The following ERC2 variants were observed in gnomAD, a reference collection of about 807,000 sequenced individuals.
ERC2 encodes ELKS/RAB6-interacting/CAST family member 2.
Under a neutral mutation model 114.8 loss-of-function variants are expected in ERC2, and 42 were observed. The ratio of observed to expected loss-of-function variants is 0.37; its 90% confidence interval spans 0.29 to 0.47. ERC2 has a LOEUF of 0.47. Among genes scored for constraint, ERC2 ranks in the 20% least tolerant of loss-of-function variants. ERC2 has a pLI of 0.99. For synonymous variants in ERC2, 454 were observed against 425.5 expected (o/e 1.07, Z -0.82); for missense variants, 939 against 1,150.7 (o/e 0.82, Z 2.66).
At chr3:56,228,864 A>C (rs1575959891) in intron 3 of ERC2, among the ~76,000 whole-genome samples, 1 of 152,154 alleles carries the variant, frequency 6.6e-6, no homozygotes, top group Non-Finnish European at 1.5e-5. Flanking sequence ...TTCCAGCTGC[A>C]CTTAGATGCC....
At chr3:56,252,383 T>C (rs1196028847) in intron 3 of ERC2, among the ~76,000 whole-genome samples, 2 of 152,142 alleles carry the variant, frequency 1.3e-5, no homozygotes, top group African/African-American at 2.4e-5. Flanking sequence ...AGGTTAAACC[T>C]GAAGGACAAC....
At chr3:56,305,925 C>T (rs191123467) in intron 2 of ERC2, among the ~76,000 whole-genome samples, 1 of 152,316 alleles carries the variant, frequency 6.6e-6, no homozygotes, top group East Asian at 1.9e-4. Flanking sequence ...TCTCAGCTCA[C>T]TGCATCCTCC....
intron 3 of ERC2, among the ~76,000 whole-genome samples, chr3:56,197,618 C>T (rs868634741): frequency 5.3e-5 from 8 of 152,304 alleles, no homozygotes; most frequent in Middle Eastern, 6.8e-3. Flanking sequence ...TGAAACAACT[C>T]CTCCACTTAC....
chr3:55,835,388 A>C (rs1360036304), intron 14 of ERC2, among the ~76,000 whole-genome samples: 1 of 152,200 alleles, frequency 6.6e-6, no homozygotes, highest in Non-Finnish European at 1.5e-5. Flanking sequence ...GCAACACATC[A>C]AAAAGCTTAT....
At chr3:56,054,624 C>T (rs931411390) in intron 7 of ERC2, among the ~76,000 whole-genome samples, 3 of 152,148 alleles carry the variant, frequency 2.0e-5, no homozygotes, top group African/African-American at 7.2e-5. Context: ...GGAAAAGATA[C>T]TGTGTTCTTA....
intron 4 of ERC2, among the ~76,000 whole-genome samples, chr3:56,158,511 A>T (rs2081864385): frequency 6.6e-6 from 1 of 152,142 alleles, no homozygotes; most frequent in Non-Finnish European, 1.5e-5. Context: ...AAGGGAAGAG[A>T]TGGAGAGGCA....
chr3:56,379,917 T>C (rs1314824563), intron 2 of ERC2, among the ~76,000 whole-genome samples: 1 of 152,192 alleles, frequency 6.6e-6, no homozygotes, highest in Admixed American at 6.5e-5. Flanking sequence ...GAGCCTTTGC[T>C]CTGGGTCACG....
chr3:55,715,953 C>A (rs1207524160), intron 15 of ERC2, among the ~76,000 whole-genome samples: 1 of 152,086 alleles, frequency 6.6e-6, no homozygotes, highest in Non-Finnish European at 1.5e-5. Flanking sequence ...ACCTACTAAC[C>A]ACAGCTAAGT....
chr3:56,154,576 G>A (rs1433044650), intron 4 of ERC2, among the ~76,000 whole-genome samples: 1 of 152,096 alleles, frequency 6.6e-6, no homozygotes. Flanking sequence ...GCTTGACACT[G>A]TGTGATCTTT....
intron 17 of ERC2, among the ~76,000 whole-genome samples, chr3:55,621,021 G>C (rs1192096713): frequency 6.6e-6 from 1 of 152,030 alleles, no homozygotes; most frequent in African/African-American, 2.4e-5. Flanking sequence ...TTATCTTATA[G>C]GGATATGAAA....
chr3:56,020,331 AT>A (rs1553776156), intron 7 of ERC2, among the ~76,000 whole-genome samples: 4 of 149,394 alleles, frequency 2.7e-5, no homozygotes, highest in Middle Eastern at 3.5e-3. Context: ...TCCTTCATTC[AT>A]TTTTTTTTCT....
chr3:55,529,982 T>C (rs1407553701), intron 17 of ERC2, among the ~76,000 whole-genome samples: 1 of 152,176 alleles, frequency 6.6e-6, no homozygotes, highest in African/African-American at 2.4e-5. Context: ...TTGGTCTAGA[T>C]GGAATAAAGG....
intron 13 of ERC2, among the ~76,000 whole-genome samples, chr3:55,898,372 C>G (rs930341883): frequency 1.2e-4 from 18 of 152,218 alleles, no homozygotes; most frequent in African/African-American, 4.1e-4. Flanking sequence ...TTCTCTCTAA[C>G]AGCCTGGGAC....
intron 14 of ERC2, among the ~76,000 whole-genome samples, chr3:55,738,272 G>C (rs1471383143): frequency 6.6e-6 from 1 of 151,884 alleles, no homozygotes; most frequent in Non-Finnish European, 1.5e-5. Context: ...ATACTCATAG[G>C]AAAAAACAAG....
chr3:55,894,115 C>CT (rs143604098), intron 13 of ERC2, among the ~76,000 whole-genome samples: 83 of 152,134 alleles, frequency 5.5e-4, no homozygotes, highest in African/African-American at 1.9e-3. Flanking sequence ...TAAATTCACT[C>CT]TAAGTGAATT....
chr3:56,282,817 A>G (rs1207293681), intron 3 of ERC2, among the ~76,000 whole-genome samples: 5 of 152,162 alleles, frequency 3.3e-5, no homozygotes, highest in Non-Finnish European at 7.3e-5. Context: ...ATTCCTCAGG[A>G]GGCATCTGTG....
At chr3:56,217,031 T>C (rs888746660) in intron 3 of ERC2, among the ~76,000 whole-genome samples, 2 of 152,170 alleles carry the variant, frequency 1.3e-5, no homozygotes, top group Non-Finnish European at 2.9e-5. Context: ...CCACAGCCAA[T>C]ATCATACTGA....
chr3:55,957,590 G>A (rs550484876), intron 12 of ERC2, among the ~76,000 whole-genome samples: 1 of 152,332 alleles, frequency 6.6e-6, no homozygotes, highest in South Asian at 2.1e-4. Context: ...ACTTGACCCA[G>A]CAGGCTGTGC....
At chr3:55,780,588 A>T (rs1318026067) in intron 14 of ERC2, among the ~76,000 whole-genome samples, 1 of 152,242 alleles carries the variant, frequency 6.6e-6, no homozygotes. Flanking sequence ...CATATTTTTT[A>T]AAATCTCCAT....
Sources: gnomAD v4.1 joint callset for allele counts (sites outside exome capture counted in the v4.1 genomes callset) on GRCh38, gnomAD v4.1.1 for gene constraint, MANE v1.5 for transcripts, NCBI Gene and HGNC (gene_info 2026-07-23, HGNC 2026-07-21) for gene names.